The following SLC1A7 variants were observed in gnomAD, a reference collection of about 807,000 sequenced individuals.
The protein encoded by SLC1A7 is solute carrier family 1 member 7.
SLC1A7 carries 40 observed loss-of-function variants against 47.7 expected under a neutral mutation model. That is an observed-to-expected ratio of 0.84 (90% CI 0.65 to 1.09). The LOEUF (loss-of-function observed/expected upper bound fraction) is 1.09, where lower values mean the gene tolerates loss of function less well. Ranked by LOEUF, SLC1A7 falls within the 50% of genes least tolerant of loss-of-function variation. SLC1A7 has a pLI of 0.00. For synonymous variants in SLC1A7, 323 were observed against 325.6 expected (o/e 0.99, Z 0.09); for missense variants, 746 against 769.5 (o/e 0.97, Z 0.36).
chr1:53,131,597 T>A (rs1644942271), intron 2 of SLC1A7, among the ~76,000 whole-genome samples: 2 of 152,226 alleles, frequency 1.3e-5, no homozygotes, highest in Non-Finnish European at 2.9e-5. Context: ...CACAGGACAG[T>A]CTCTCCATCA....
At chr1:53,136,481 C>T (rs1252165489) in intron 1 of SLC1A7, among the ~76,000 whole-genome samples, 1 of 147,090 alleles carries the variant, frequency 6.8e-6, no homozygotes. Context: ...GCGTGAGCCA[C>T]CATGCCCTGC....
In SLC1A7 at chr1:53,137,909, G is replaced by T. The variant is rs143680271; in HGVS notation, c.136-3480C>A. 4.6e-3 allele frequency among the ~76,000 whole-genome samples: 704 copies of T among 152,194 alleles called. 2 individuals are homozygous for T. The highest frequency in any genetic ancestry group is 7.1e-3 in the Non-Finnish European group (484 of 68,018). ...CATTCTGGGACTTGTCCTTTAGAGG[G>T]CCCCCTGTTTCTGGGATCCTTTGTC... On this transcript the variant is annotated intron_variant, in intron 1 of 10. Transcript: ENST00000371494.
chr1:53,112,092 C>A (rs1283229960), intron 3 of SLC1A7, among the ~76,000 whole-genome samples: 1 of 152,190 alleles, frequency 6.6e-6, no homozygotes, highest in Non-Finnish European at 1.5e-5. Context: ...CACCCTGAGT[C>A]TGGGCTTGGC....
intron 3 of SLC1A7, among the ~76,000 whole-genome samples, chr1:53,113,499 C>T (rs1644721475): frequency 6.6e-6 from 1 of 152,088 alleles, no homozygotes; most frequent in South Asian, 2.1e-4. Context: ...GGCCAGAAAT[C>T]TTCATGCTGG....
Position 53,132,573 on chromosome 1 carries a change from C to T in SLC1A7, c.215+1777G>A, listed in dbSNP as rs372522611. On this transcript the variant is annotated intron_variant, in intron 2 of 10. Transcript: ENST00000371494. Reference sequence around the variant, plus strand: ...ATTAAACTTGAAGTGTGGCTGGGCACGGTGGCTCATGCCTATAATTCCCGC... The same window carrying T: ...ATTAAACTTGAAGTGTGGCTGGGCATGGTGGCTCATGCCTATAATTCCCGC... 2.6e-4 allele frequency among the ~76,000 whole-genome samples: 40 copies of T among 152,228 alleles called. No individual in the cohort carries two copies. The East Asian group carries it at 7.0e-3, about 26-fold the overall frequency.
chr1:53,139,850 T>C (rs1422718429), intron 1 of SLC1A7, among the ~76,000 whole-genome samples: 1 of 152,178 alleles, frequency 6.6e-6, no homozygotes, highest in Admixed American at 6.5e-5. Context: ...AGTGGAATTC[T>C]AGGAAGGAGG....
intron 5 of SLC1A7, among the ~76,000 whole-genome samples, chr1:53,101,607 TCACA>T (rs1263601664): frequency 1.4e-5 from 2 of 145,004 alleles, no homozygotes; most frequent in Non-Finnish European, 3.0e-5. Context: ...CTCAGTACAC[TCACA>T]CACCCCACCT....
chr1:53,089,717 G>A (rs370459751), intron 9 of SLC1A7, 83 bp downstream of exon 9: 1 of 1,459,502 alleles, frequency 6.9e-7, no homozygotes, highest in African/African-American at 1.4e-5. Flanking sequence ...CTGGGGAAGG[G>A]ACTCAGCCGC....
intron 1 of SLC1A7, among the ~76,000 whole-genome samples, chr1:53,135,746 A>AT (rs1436041483): frequency 6.6e-6 from 1 of 152,064 alleles, no homozygotes; most frequent in African/African-American, 2.4e-5. Flanking sequence ...TGTTTATAAA[A>AT]TTTTTTAACT....
chr1:53,115,088 C>A, intron 2 of SLC1A7, 115 bp from the exon 3 acceptor site: 1 of 745,250 alleles, frequency 1.3e-6, no homozygotes, highest in South Asian at 1.7e-5. Flanking sequence ...CTCCAGGGAA[C>A]CCCATTCTTC....
intron 2 of SLC1A7, among the ~76,000 whole-genome samples, chr1:53,133,443 G>A (rs951383666): frequency 6.6e-6 from 1 of 152,156 alleles, no homozygotes; most frequent in South Asian, 2.1e-4. Context: ...TTCACAAAGG[G>A]GGGAGGTCCA....
chr1:53,131,964 GA>G (rs1029573071), intron 2 of SLC1A7, among the ~76,000 whole-genome samples: 7 of 152,114 alleles, frequency 4.6e-5, no homozygotes, highest in East Asian at 1.9e-4. Context: ...AGTTGAGATG[GA>G]AAAAAAGAGG....
At chr1:53,114,677 C>A (rs944212970) in intron 3 of SLC1A7, 81 bp downstream of exon 3, 11 of 1,230,292 alleles carry the variant, frequency 8.9e-6, no homozygotes, top group South Asian at 1.3e-5. Flanking sequence ...CATCTCCACA[C>A]CCCGTCCTGG....
rs1644438069 is a variant in SLC1A7 at position 53,092,703 on chromosome 1, G to A, written c.882C>T (p.Gly294=). The change falls in exon 7 of 11, where the codon GGC becomes GGT. Residue 294 remains glycine, a synonymous_variant. Transcript: ENST00000371494. ...DDPRAVGKKL[G]FYSVTVVCGL... is the part of the protein sequence containing the mutation. ...CGCACACCACGGTGACTGAGTAGAA[G>A]CCCAGCTTCTTGCCGACGGCCCTGG... 1 of 1,614,106 alleles carries A rather than the reference G, an allele frequency of 6.2e-7. No individual in the cohort carries two copies. Among genetic ancestry groups the A allele is most frequent in the Admixed American group, 1.7e-5 (1 of 60,036 alleles).
intron 5 of SLC1A7, among the ~76,000 whole-genome samples, chr1:53,097,619 C>T (rs949557429): frequency 1.2e-4 from 18 of 151,116 alleles, no homozygotes; most frequent in Non-Finnish European, 1.8e-4. Context: ...CACCTCGCCT[C>T]GGTACACTCA....
At position 53,092,656 on chromosome 1, in the gene SLC1A7, A is replaced by C; in HGVS notation, c.929T>G (p.Phe310Cys). 1 of 1,614,132 alleles carries C rather than the reference A, an allele frequency of 6.2e-7. No homozygotes were observed. The highest frequency in any genetic ancestry group is 8.5e-7 in the Non-Finnish European group (1 of 1,180,008). Residue 310 changes from phenylalanine (F) to cysteine (C), a missense_variant, in exon 7 of 11, where the codon TTT becomes TGT. Physicochemically the swap from Phe to Cys is radical, Grantham distance 205. Coordinates refer to ENST00000371494, the MANE Select transcript of SLC1A7 (RefSeq NM_006671.6). ...GAAGAAGTAGAGCAGGGGCAGGATA[A>C]AGAGCCCGTGGAGCACCAGCCCGCA... ...VVCGLVLHGL[F>C]ILPLLYFFIT...
At chr1:53,109,579 G>T (rs1434416587) in intron 3 of SLC1A7, among the ~76,000 whole-genome samples, 1 of 152,138 alleles carries the variant, frequency 6.6e-6, no homozygotes, top group Non-Finnish European at 1.5e-5. Flanking sequence ...ATGTCCCCAC[G>T]CAGTGGGCTC....
chr1:53,088,782 TG>T, intron 10 of SLC1A7, 94 bp downstream of exon 10: 1 of 853,204 alleles, frequency 1.2e-6, no homozygotes, highest in Non-Finnish European at 1.9e-6. Context: ...AGGGATTGGC[TG>T]GAGGCTGCCG....
chr1:53,137,424 A>G (rs1645013464), intron 1 of SLC1A7, among the ~76,000 whole-genome samples: 1 of 152,126 alleles, frequency 6.6e-6, no homozygotes, highest in Non-Finnish European at 1.5e-5. Context: ...TCTAGATAAT[A>G]TGGTCATAAT....
Sources: allele counts gnomAD v4.1 joint callset (sites outside exome capture counted in the v4.1 genomes callset), GRCh38; gene constraint gnomAD v4.1.1; transcripts MANE v1.5; gene names NCBI Gene and HGNC (gene_info 2026-07-23, HGNC 2026-07-21).